PER2: variants seen among roughly 807,000 people sequenced by gnomAD.
PER2 encodes the protein period circadian protein homolog 2.
A neutral mutation model predicts 121.0 loss-of-function variants in PER2; 66 were observed. The observed-to-expected ratio is 0.55, with a 90% CI of 0.45 to 0.67. The LOEUF (loss-of-function observed/expected upper bound fraction) is 0.67. Ranked by LOEUF, PER2 falls within the 30% of genes least tolerant of loss-of-function variation. PER2 has a pLI of 0.00. For missense variants in PER2, 1,521 were observed against 1,635.0 expected (o/e 0.93, Z 1.20); for synonymous variants, 684 against 659.9 (o/e 1.04, Z -0.56).
Position 238,253,651 on chromosome 2 carries a change from G to GT in PER2, c.2371dup (p.Thr791AsnfsTer19). 2.5e-6 allele frequency: 4 copies of GT among 1,609,148 alleles called. No individual in the cohort carries two copies. Among genetic ancestry groups the GT allele is most frequent in the South Asian group, 2.2e-5 (2 of 90,462 alleles). Reference sequence around the variant, plus strand: ...GGACTTCAATTTTCTGTTCTTTCCTGTTTTTTTCCAAGGTGAATCTATTCC... The same window carrying GT: ...GGACTTCAATTTTCTGTTCTTTCCTGTTTTTTTTCCAAGGTGAATCTATTCC... On this transcript the variant is annotated frameshift_variant, in exon 19 of 23. Transcript: ENST00000254657. LOFTEE classifies it high-confidence loss of function. The surrounding 1 kb of genome is among the most constrained non-coding windows in gnomAD (Gnocchi z 5.6).
At position 238,246,351 on chromosome 2, in the gene PER2, T is replaced by A; in HGVS notation, c.*24A>T. The A allele has an allele frequency of 6.4e-7, 1 of 1,571,650 alleles. No individual in the cohort carries two copies. ...GCACCACCTGGTGTACCTCGCTGGC[T>A]GCCGGGCTGAGGTGGGGCAGGGGTT... On this transcript the variant is annotated 3_prime_UTR_variant, in exon 23 of 23. Transcript: ENST00000254657.
chr2:238,271,472 G>GT lies in PER2; in HGVS notation c.611_612insA (p.Leu205ProfsTer5). On this transcript the variant is annotated frameshift_variant, in exon 6 of 23. Coordinates refer to ENST00000254657, the MANE Select transcript of PER2 (RefSeq NM_022817.3). LOFTEE classifies it high-confidence loss of function. ...ATGCAACCTGGTCAGAGATGTACAG[G>GT]ATCTTCCCAGACACCAGGGACACGG... 1.2e-6 allele frequency: 2 copies of GT among 1,614,020 alleles called. No individual in the cohort carries two copies. Among genetic ancestry groups the GT allele is most frequent in the Non-Finnish European group, 1.7e-6 (2 of 1,179,904 alleles).
rs1574851574 is a variant in PER2, at chr2:238,267,172, T to C, written c.967+884A>G. On this transcript the variant is annotated intron_variant, in intron 8 of 22. Coordinates refer to ENST00000254657, the MANE Select transcript of PER2 (RefSeq NM_022817.3). ...AGAATGCACCTGCCTTCAGAGAATC[T>C]GGAGATCATGTGACTCGCTCAGCAG... Among the ~76,000 whole-genome samples, 4 of 152,140 alleles carry C rather than the reference T, an allele frequency of 2.6e-5. No homozygotes were observed. The South Asian group carries it at 8.3e-4, about 32-fold the overall frequency.
intron 16 of PER2, among the ~76,000 whole-genome samples, chr2:238,258,009 C>T (rs1695814148): frequency 6.6e-6 from 1 of 152,078 alleles, no homozygotes; most frequent in Admixed American, 6.5e-5. Flanking sequence ...AGGAGATGTC[C>T]CTGCAGTGTG....
In PER2 at chr2:238,245,326, A is replaced by G. The variant is rs929862550; in HGVS notation, c.*1049T>C. 2.2e-5 allele frequency: 8 copies of G among 369,728 alleles called. No homozygotes were observed. In the East Asian group the frequency reaches 3.1e-4, roughly 14 times the overall value. 22.9% of individuals were successfully genotyped at this position (369,728 alleles called of 1,614,324 possible). A position where few individuals can be genotyped will look rare whatever the true frequency, so the allele number is the denominator to read the frequency against. On this transcript the variant is annotated 3_prime_UTR_variant, in exon 23 of 23. Transcript: ENST00000254657. ...TGCTCCGAGAGAGGTCGGGCTCATGAAAAGAATGAGGGCTGTGCACCCAAC... is the reference window on the plus strand; with the variant it reads ...TGCTCCGAGAGAGGTCGGGCTCATGGAAAGAATGAGGGCTGTGCACCCAAC...
At chr2:238,295,882 G>T in the PER2 span, 1 of 211,434 alleles carries the variant, frequency 4.7e-6, no homozygotes, top group South Asian at 5.6e-5. Flanking sequence ...GCTCCCTCTG[G>T]CCCTGCTGCC....
chr2:238,294,128 C>T (rs1250614535), upstream of PER2, among the ~76,000 whole-genome samples: 3 of 152,214 alleles, frequency 2.0e-5, no homozygotes, highest in Non-Finnish European at 4.4e-5. Context: ...TCTCTTCCTT[C>T]CCAGGTGGAG....
chr2:238,292,717 T>A (rs1376230563), upstream of PER2, among the ~76,000 whole-genome samples: 2 of 152,068 alleles, frequency 1.3e-5, no homozygotes, highest in African/African-American at 4.8e-5. Context: ...CTAAGATTTT[T>A]GTTTGTTTTT....
Position 238,253,024 on chromosome 2 carries a change from G to C in PER2, c.2999C>G (p.Pro1000Arg). 6.2e-7 allele frequency: 1 copy of C among 1,613,952 alleles called. No individual in the cohort carries two copies. Among genetic ancestry groups the C allele is most frequent in the South Asian group, 1.1e-5 (1 of 91,062 alleles). Residue 1000 changes from proline to arginine, a missense_variant, in exon 19 of 23, where the codon CCT becomes CGT. Coordinates refer to ENST00000254657, the MANE Select transcript of PER2 (RefSeq NM_022817.3). This position sits in a 1 kb window ranked among gnomAD's most constrained non-coding sequence, Gnocchi z 5.6. ...QLNLLQLEEA[P>R]EGGTGAMGTT... The stretch of plus-strand genomic sequence containing the variant: ...CCCCATGGCTCCAGTGCCACCCTCA[G>C]GGGCTTCCTCCAGCTGCAGCAGGTT...
rs767075772 is a variant in PER2, at chr2:238,265,503, A to G, written c.1046+9T>C. 3.2e-6 allele frequency: 5 copies of G among 1,586,764 alleles called. No individual in the cohort carries two copies. In the South Asian group the frequency reaches 4.4e-5, roughly 14 times the overall value. On this transcript the variant is annotated intron_variant, in intron 9 of 22. Transcript: ENST00000254657. ...AACATGAAAAAGGGGGTGGGTCAAGACCACGTACCTTTCATCCACATCCTG... is the reference window on the plus strand; with the variant it reads ...AACATGAAAAAGGGGGTGGGTCAAGGCCACGTACCTTTCATCCACATCCTG...
chr2:238,256,805 C>T (rs1695775003), intron 17 of PER2, 117 bp downstream of exon 17: 1 of 1,072,592 alleles, frequency 9.3e-7, no homozygotes. Flanking sequence ...TCCTGAAACG[C>T]CCCCTATCGG....
chr2:238,269,748 A>G (rs1696229184), intron 6 of PER2, among the ~76,000 whole-genome samples: 1 of 152,216 alleles, frequency 6.6e-6, no homozygotes, highest in African/African-American at 2.4e-5. Flanking sequence ...CAACTAACCG[A>G]CAACTGAGCA....
rs1166810416 is a variant in PER2 at position 238,271,450 on chromosome 2, C to T, written c.634G>A (p.Ala212Thr). 2 of 1,614,046 alleles carry T rather than the reference C, an allele frequency of 1.2e-6. No individual in the cohort carries two copies. The highest frequency in any genetic ancestry group is 1.3e-5 in the African/African-American group (1 of 75,058). The change falls in exon 6 of 23, where the codon GCA becomes ACA. Residue 212 changes from alanine to threonine, a missense_variant. Coordinates refer to ENST00000254657, the MANE Select transcript of PER2 (RefSeq NM_022817.3). ...GKILYISDQV[A>T]SIFHCKRDAF... Reference sequence around the variant, plus strand: ...TCTCTTTTACAGTGAAATATGGATGCAACCTGGTCAGAGATGTACAGGATC... The same window carrying T: ...TCTCTTTTACAGTGAAATATGGATGTAACCTGGTCAGAGATGTACAGGATC...
chr2:238,255,480 C>G (rs563869709), intron 18 of PER2, 177 bp downstream of exon 18: 1 of 704,220 alleles, frequency 1.4e-6, no homozygotes, highest in African/African-American at 1.8e-5. Context: ...CCGAGAGCAC[C>G]CCCCCGGTGG....
At chr2:238,249,265 A>AT in intron 21 of PER2, 53 bp from the exon 22 acceptor site, 1 of 1,530,052 alleles carries the variant, frequency 6.5e-7, no homozygotes, top group Non-Finnish European at 9.0e-7. Flanking sequence ...AAGGGTATCT[A>AT]TTTTTATTCT....
Position 238,252,547 on chromosome 2 carries a change from C to T in PER2, c.3111+365G>A, listed in dbSNP as rs777341292. ...CACCGGGGCCACCTGAGCCAGGCTCCGGCGCCACACCCTGAGGAGCCCTAG... is the reference window on the plus strand; with the variant it reads ...CACCGGGGCCACCTGAGCCAGGCTCTGGCGCCACACCCTGAGGAGCCCTAG... On this transcript the variant is annotated intron_variant, in intron 19 of 22. Transcript: ENST00000254657. The surrounding 1 kb of genome is among the most constrained non-coding windows in gnomAD (Gnocchi z 4.2). 1.3e-5 allele frequency among the ~76,000 whole-genome samples: 2 copies of T among 152,186 alleles called. No individual in the cohort carries two copies. The highest frequency in any genetic ancestry group is 2.4e-5 in the African/African-American group (1 of 41,440).
At chr2:238,280,937 G>GA (rs549253235) in intron 1 of PER2, among the ~76,000 whole-genome samples, 71 of 146,636 alleles carry the variant, frequency 4.8e-4, no homozygotes, top group African/African-American at 1.3e-3. Flanking sequence ...CATAAAGGAT[G>GA]AAAAAAAAAT....
At chr2:238,267,972 G>A (rs1696159260) in intron 8 of PER2, 84 bp downstream of exon 8, 20 of 1,488,552 alleles carry the variant, frequency 1.3e-5, no homozygotes, top group South Asian at 2.3e-5. Context: ...GGAGTCCATC[G>A]TACAGATGTT....
the PER2 span, among the ~76,000 whole-genome samples, chr2:238,298,221 A>C: frequency 1.3e-5 from 2 of 151,576 alleles, no homozygotes; most frequent in African/African-American, 4.9e-5. Context: ...TTTTTAGTAG[A>C]GATGGGGTTT....
Sources: allele counts gnomAD v4.1 joint callset (sites outside exome capture counted in the v4.1 genomes callset), GRCh38; gene constraint gnomAD v4.1.1; non-coding constraint Gnocchi (gnomAD v3.1); transcripts MANE v1.5; gene names NCBI Gene and HGNC (gene_info 2026-07-23, HGNC 2026-07-21).